The following CABP1 variants were observed in gnomAD, a reference collection of about 807,000 sequenced individuals.
The protein encoded by CABP1 is calcium binding protein 1, also known as calcium-binding protein 1.
In CABP1, 17 loss-of-function variants were observed where a neutral mutation model predicts 34.3. The observed-to-expected ratio is 0.50, with a 90% confidence interval of 0.34 to 0.74. The LOEUF is 0.74. Among genes scored for constraint, CABP1 ranks in the 30% least tolerant of loss-of-function variants. CABP1 has a pLI of 0.01. For synonymous variants in CABP1, 198 were observed against 229.2 expected (o/e 0.86, Z 1.23); for missense variants, 373 against 511.1 (o/e 0.73, Z 2.61).
At chr12:120,674,204 A>G in the CABP1 span, among the ~76,000 whole-genome samples, 1 of 152,244 alleles carries the variant, frequency 6.6e-6, no homozygotes, top group Non-Finnish European at 1.5e-5. Context: ...ATTAAATAGA[A>G]GTATTCACTA....
At chr12:120,680,098 G>A in the CABP1 span, among the ~76,000 whole-genome samples, 3 of 152,056 alleles carry the variant, frequency 2.0e-5, no homozygotes, top group Non-Finnish European at 4.4e-5. Flanking sequence ...GCTTGAATCC[G>A]GGAGGCAGAG....
chr12:120,656,019 C>T (rs767345122), intron 1 of CABP1: 37 of 1,604,190 alleles, frequency 2.3e-5, no homozygotes, highest in African/African-American at 4.0e-5. Context: ...AAGCCCCTCC[C>T]GGGACCAGGA....
intron 1 of CABP1, among the ~76,000 whole-genome samples, chr12:120,657,906 G>T (rs892255004): frequency 2.6e-5 from 4 of 152,168 alleles, no homozygotes; most frequent in African/African-American, 9.7e-5. Context: ...CTCAGTAGCT[G>T]GTCCTAGGGC....
chr12:120,669,794 A>G (rs78860782), downstream of CABP1, among the ~76,000 whole-genome samples: 520 of 151,886 alleles, frequency 3.4e-3, 1 homozygote, highest in Middle Eastern at 0.014. Context: ...GTTGTGATAA[A>G]GGAAATGGAG....
chr12:120,678,588 C>T, the CABP1 span, among the ~76,000 whole-genome samples: 6 of 152,128 alleles, frequency 3.9e-5, no homozygotes, highest in Non-Finnish European at 7.3e-5. Flanking sequence ...CATGGTAGGT[C>T]TTCTAATTAT....
chr12:120,658,628 T>C (rs1390060867), intron 1 of CABP1, among the ~76,000 whole-genome samples: 1 of 152,168 alleles, frequency 6.6e-6, no homozygotes, highest in African/African-American at 2.4e-5. Context: ...TTCTAGATGA[T>C]CTGCAGATTT....
chr12:120,644,257 G>A (rs1298640323), intron 1 of CABP1, among the ~76,000 whole-genome samples: 1 of 152,194 alleles, frequency 6.6e-6, no homozygotes, highest in Admixed American at 6.5e-5. Context: ...GATATCAAAT[G>A]CCTGGCTCAT....
the CABP1 span, among the ~76,000 whole-genome samples, chr12:120,680,428 C>T: frequency 6.6e-6 from 1 of 152,198 alleles, no homozygotes; most frequent in Non-Finnish European, 1.5e-5. Flanking sequence ...AGGGCAAGTC[C>T]TCCATCCTGA....
chr12:120,661,065 C>T lies in CABP1; in HGVS notation c.940-6C>T. The T allele has an allele frequency of 1.2e-6, 2 of 1,611,180 alleles. No homozygotes were observed. Among genetic ancestry groups the T allele is most frequent in the Non-Finnish European group, 1.7e-6 (2 of 1,178,746 alleles). On this transcript the variant is annotated splice_polypyrimidine_tract_variant and splice_region_variant and intron_variant, in intron 4 of 5. Coordinates refer to ENST00000316803, the MANE Select transcript of CABP1 (RefSeq NM_001033677.2). The surrounding 1 kb of genome is among the most constrained non-coding windows in gnomAD (Gnocchi z 5.1). ...GCGACCTCTCCTTCCTTCCTGCCTT[C>T]TCTAGTTTGACACCAATGGTGATGG...
At chr12:120,664,840 A>T (rs1045453565) in intron 5 of CABP1, among the ~76,000 whole-genome samples, 1 of 150,838 alleles carries the variant, frequency 6.6e-6, no homozygotes, top group African/African-American at 2.4e-5. Context: ...GTACTGCTGC[A>T]CTCCAGCCTG....
intron 1 of CABP1, among the ~76,000 whole-genome samples, chr12:120,647,012 TC>T (rs1879569804): frequency 6.6e-6 from 1 of 152,174 alleles, no homozygotes; most frequent in Non-Finnish European, 1.5e-5. Context: ...GTGTGATTTT[TC>T]CATAGGGACC....
At position 120,640,753 on chromosome 12, in the gene CABP1, G is replaced by A. The variant is rs1879274989; in HGVS notation, c.68G>A (p.Gly23Glu). The change falls in exon 1 of 6, where the codon GGG (glycine) becomes GAG (glutamate). Residue 23 changes from glycine to glutamate, a missense_variant. By Grantham distance (98) the Gly-to-Glu change is moderately conservative. Transcript: ENST00000316803. The surrounding 1 kb of genome is among the most constrained non-coding windows in gnomAD (Gnocchi z 6.2). ...GGCGCCCGCCTCCAGCGCGTCCTCG[G>A]GCTTGGCTCCCGCCGGGAGCCCCGT... is the stretch of plus-strand genomic sequence containing the variant. Reference protein sequence around the residue: ...GDGARLQRVLGLGSRREPRSL... With the variant: ...GDGARLQRVLELGSRREPRSL... 1 of 1,173,146 alleles carries A rather than the reference G, an allele frequency of 8.5e-7. No homozygotes were observed. The highest frequency in any genetic ancestry group is 3.5e-4 in the Middle Eastern group (1 of 2,888). 72.7% of individuals were successfully genotyped at this position (1,173,146 alleles called of 1,614,324 possible).
chr12:120,656,032 C>T, intron 1 of CABP1: 2 of 1,610,500 alleles, frequency 1.2e-6, no homozygotes, highest in Non-Finnish European at 1.7e-6. Context: ...GACCAGGAGC[C>T]AGGCTGGGCA....
intron 5 of CABP1, among the ~76,000 whole-genome samples, chr12:120,665,787 C>T (rs866785718): frequency 2.6e-5 from 4 of 151,884 alleles, no homozygotes; most frequent in Admixed American, 6.6e-5. Flanking sequence ...TTTGGGAAGC[C>T]GAGGTGGGCG....
rs768364969 is a variant in CABP1 at position 120,655,826 on chromosome 12, C to CGT, written c.655-4050_655-4049dup. Reference sequence around the variant, plus strand: ...GTGCATATGTATGTGCCAGTGCGTGCGTGCGTGTGTGTGTGTGTGTGTGTG... The same window carrying CGT: ...GTGCATATGTATGTGCCAGTGCGTGCGTGTGCGTGTGTGTGTGTGTGTGTGTG... On this transcript the variant is annotated intron_variant, in intron 1 of 5. Transcript: ENST00000316803. 2.4e-4 allele frequency: 345 copies of CGT among 1,417,860 alleles called. No individual in the cohort carries two copies. The East Asian group carries it at 2.8e-3, about 12-fold the overall frequency. 87.8% of individuals were successfully genotyped at this position (1,417,860 alleles called of 1,614,324 possible).
Position 120,660,589 on chromosome 12 carries a change from T to A in CABP1, c.830-142T>A. Reference sequence around the variant, plus strand: ...CCAATAACTGGCTCACAGGAAGAACTGAACAGAGGGCTCTTGTTATTATTA... The same window carrying A: ...CCAATAACTGGCTCACAGGAAGAACAGAACAGAGGGCTCTTGTTATTATTA... On this transcript the variant is annotated intron_variant, in intron 3 of 5. Coordinates refer to ENST00000316803, the MANE Select transcript of CABP1 (RefSeq NM_001033677.2). The surrounding 1 kb of genome is among the most constrained non-coding windows in gnomAD (Gnocchi z 5.0). 2 of 741,130 alleles carry A rather than the reference T, an allele frequency of 2.7e-6. No homozygotes were observed. The highest frequency in any genetic ancestry group is 3.3e-5 in the South Asian group (2 of 60,014). The allele number at this position is 741,130 out of a possible 1,614,324, so 45.9% of individuals were successfully genotyped here. A position where few individuals can be genotyped will look rare whatever the true frequency, so the allele number is the denominator to read the frequency against.
intron 1 of CABP1, 54 bp from the exon 2 acceptor site, chr12:120,659,824 T>G (rs1880509577): frequency 3.1e-6 from 5 of 1,592,188 alleles, no homozygotes; most frequent in Non-Finnish European, 4.3e-6. Context: ...GTTAGGTATT[T>G]TGTGACTTCC....
Position 120,661,085 on chromosome 12 carries a change from T to G in CABP1, c.954T>G (p.Gly318=), listed in dbSNP as rs1426446052. ...GCCTTCTCTAGTTTGACACCAATGG[T>G]GATGGGGAAATAAGCACCAGTGAGC... ...RDAFREFDTN[G]DGEISTSELR... Residue 318 remains glycine, a synonymous_variant, in exon 5 of 6, where the codon GGT becomes GGG. Coordinates refer to ENST00000316803, the MANE Select transcript of CABP1 (RefSeq NM_001033677.2). This position sits in a 1 kb window ranked among gnomAD's most constrained non-coding sequence, Gnocchi z 5.1. 1 of 1,612,626 alleles carries G rather than the reference T, an allele frequency of 6.2e-7. No homozygotes were observed. Among genetic ancestry groups the G allele is most frequent in the Non-Finnish European group, 8.5e-7 (1 of 1,179,556 alleles).
chr12:120,656,478 G>T (rs1880234897), intron 1 of CABP1, among the ~76,000 whole-genome samples: 1 of 152,000 alleles, frequency 6.6e-6, no homozygotes, highest in Admixed American at 6.5e-5. Flanking sequence ...AATAATATCA[G>T]ATACATTGTT....
Sources: gnomAD v4.1 joint callset for allele counts (sites outside exome capture counted in the v4.1 genomes callset) on GRCh38, gnomAD v4.1.1 for gene constraint, Gnocchi (gnomAD v3.1) non-coding constraint, MANE v1.5 for transcripts, NCBI Gene and HGNC (gene_info 2026-07-23, HGNC 2026-07-21) for gene names.